The following PPP1R14B variants were observed in gnomAD, a reference collection of about 807,000 sequenced individuals.
PPP1R14B encodes protein phosphatase 1 regulatory subunit 14B.
Under a neutral mutation model 14.7 loss-of-function variants are expected in PPP1R14B, and 4 were observed. That is an observed-to-expected ratio of 0.27 (90% CI 0.13 to 0.62). The LOEUF is 0.62. Ranked by LOEUF, PPP1R14B falls within the 20% of genes least tolerant of loss-of-function variation. PPP1R14B has a pLI of 0.85. For synonymous variants in PPP1R14B, 76 were observed against 87.3 expected, an observed-to-expected ratio of 0.87 and a Z score of 0.72; for missense variants, 138 against 201.5, an observed-to-expected ratio of 0.68 and a Z score of 1.91.
rs765161994 is a variant in PPP1R14B at position 64,246,578 on chromosome 11, G to A, written c.96C>T (p.Ser32=). 1.7e-5 allele frequency: 27 copies of A among 1,601,444 alleles called. No homozygotes were observed. Among genetic ancestry groups the A allele is most frequent in the Non-Finnish European group, 2.1e-5 (25 of 1,175,652 alleles). The part of the protein sequence containing the change: ...GGPGPRVYFQ[S]PPGAAGEGPG... ...GGCCCTCTCCTGCGGCCCCGGGGGG[G>A]CTCTGAAAGTAGACGCGTGGTCCTG... Residue 32 remains serine (S), a synonymous_variant, in exon 1 of 4, where the codon AGC becomes AGT. Transcript: ENST00000309318.
chr11:64,246,518 G>A lies in PPP1R14B; in HGVS notation c.156C>T (p.Arg52=). 2 of 1,609,952 alleles carry A rather than the reference G, an allele frequency of 1.2e-6. No individual in the cohort carries two copies. Among genetic ancestry groups the A allele is most frequent in the Non-Finnish European group, 1.7e-6 (2 of 1,179,260 alleles). ...CATACTTGACGGTGACCTTCCCTTG[G>A]CGCCTCACTGGGCCCTCATCGTCCG... ...GGADDEGPVR[R]QGKVTVKYDR... is the part of the protein sequence containing the mutation. Residue 52 remains arginine (R), a synonymous_variant, in exon 1 of 4, where the codon CGC becomes CGT. Transcript: ENST00000309318.
intron 2 of PPP1R14B, 98 bp from the exon 3 acceptor site, chr11:64,245,060 G>A: frequency 6.8e-7 from 1 of 1,463,546 alleles, no homozygotes; most frequent in Non-Finnish European, 9.3e-7. Context: ...CCACCCTGAG[G>A]CACAGGAGAT....
intron 1 of PPP1R14B, chr11:64,245,590 T>G: frequency 2.7e-6 from 1 of 375,456 alleles, no homozygotes; most frequent in South Asian, 4.7e-5. Context: ...CTCCCCAACA[T>G]CCGGGCCCCC....
chr11:64,245,020 T>C, intron 2 of PPP1R14B, 58 bp from the exon 3 acceptor site: 1 of 1,539,050 alleles, frequency 6.5e-7, no homozygotes, highest in East Asian at 2.3e-5. Context: ...GGCCTGGAGC[T>C]CGCCTATACC....
At chr11:64,244,850 A>T in intron 3 of PPP1R14B, 28 bp from the exon 4 acceptor site, 1 of 1,613,898 alleles carries the variant, frequency 6.2e-7, no homozygotes, top group Non-Finnish European at 8.5e-7. Context: ...GTAAACATTA[A>T]GGAGACCAGA....
Position 64,244,536 on chromosome 11 carries a change from TA to T in PPP1R14B, c.*217del, listed in dbSNP as rs1302166251. 7.7e-7 allele frequency: 1 copy of T among 1,298,234 alleles called. No individual in the cohort carries two copies. Among genetic ancestry groups the T allele is most frequent in the Non-Finnish European group, 1.0e-6 (1 of 967,760 alleles). 80.4% of individuals were successfully genotyped at this position (1,298,234 alleles called of 1,614,324 possible). A position where few individuals can be genotyped will look rare whatever the true frequency, so the allele number is the denominator to read the frequency against. On this transcript the variant is annotated 3_prime_UTR_variant, in exon 4 of 4. Coordinates refer to ENST00000309318, the MANE Select transcript of PPP1R14B (RefSeq NM_138689.3). ...TAAAGGGCCCGCGCCGCAGAGTCAA[TA>T]TAAAAACACAAAAAGTCCCATCAGT...
intron 2 of PPP1R14B, 52 bp from the exon 3 acceptor site, chr11:64,245,014 T>C (rs1192759745): frequency 2.6e-6 from 4 of 1,556,796 alleles, no homozygotes; most frequent in Non-Finnish European, 3.5e-6. Flanking sequence ...AGTGGGGGCC[T>C]GGAGCTCGCC....
chr11:64,245,380 G>A (rs1050658122), intron 1 of PPP1R14B, 93 bp from the exon 2 acceptor site: 8 of 1,036,564 alleles, frequency 7.7e-6, no homozygotes, highest in Non-Finnish European at 1.2e-5. Flanking sequence ...TGCCTACCTC[G>A]GAGGAACCCA....
chr11:64,245,434 A>G, intron 1 of PPP1R14B, 147 bp from the exon 2 acceptor site: 1 of 663,288 alleles, frequency 1.5e-6, no homozygotes, highest in Middle Eastern at 2.7e-4. Context: ...CTGGGGAGGA[A>G]AACAGATCAG....
chr11:64,245,457 G>T, intron 1 of PPP1R14B, 170 bp from the exon 2 acceptor site: 2 of 471,608 alleles, frequency 4.2e-6, no homozygotes, highest in Non-Finnish European at 3.6e-6. Flanking sequence ...CCGTGCCAAG[G>T]CAAACTGCCC....
In PPP1R14B at chr11:64,244,975, G is replaced by C. The variant is rs201234768; in HGVS notation, c.343-13C>G. The C allele has an allele frequency of 4.0e-5, 64 of 1,608,618 alleles. No individual in the cohort carries two copies. The Admixed American group carries it at 8.6e-4, about 22-fold the overall frequency. On this transcript the variant is annotated splice_polypyrimidine_tract_variant and intron_variant, in intron 2 of 3. Coordinates refer to ENST00000309318, the MANE Select transcript of PPP1R14B (RefSeq NM_138689.3). ...CAACCAGCAGCTCCTAGCAGAGGAT[G>C]GGGGAGGAAGGATAAGTGAGTCCTC...
chr11:64,245,007 G>C, intron 2 of PPP1R14B, 45 bp from the exon 3 acceptor site: 2 of 1,576,150 alleles, frequency 1.3e-6, no homozygotes, highest in Non-Finnish European at 1.7e-6. Context: ...CCTCAGGAGT[G>C]GGGGCCTGGA....
At chr11:64,245,170 C>G (rs781305267) in intron 2 of PPP1R14B, 34 bp downstream of exon 2, 1 of 1,603,910 alleles carries the variant, frequency 6.2e-7, no homozygotes, top group African/African-American at 1.3e-5. Context: ...CGGGGCAGTG[C>G]CTCAGGCAAC....
chr11:64,244,792 G>A lies in PPP1R14B; in HGVS notation c.406C>T (p.Arg136Trp), dbSNP rs2030802595. 1.2e-6 allele frequency: 2 copies of A among 1,614,078 alleles called. No homozygotes were observed. The highest frequency in any genetic ancestry group is 1.7e-4 in the Middle Eastern group (1 of 6,034). Residue 136 changes from arginine (R) to tryptophan (W), a missense_variant, in exon 4 of 4, where the codon CGG becomes TGG. This residue lies in a region of PPP1R14B where 84 missense variants were observed against 137.5 expected (regional missense o/e 0.61). Coordinates refer to ENST00000309318, the MANE Select transcript of PPP1R14B (RefSeq NM_138689.3). ...AFISGLLDKI[R>W]GMQKLSTPQK... ...GGTGTGCTCAGCTTCTGCATGCCCC[G>A]GATCTTGTCCAGCAGGCCAGAAATG...
intron 1 of PPP1R14B, chr11:64,245,579 T>G: frequency 2.5e-6 from 1 of 399,420 alleles, no homozygotes; most frequent in Admixed American, 4.3e-5. Context: ...AGCAGATGTG[T>G]CTCCCCAACA....
At chr11:64,245,161 G>A (rs371092946) in intron 2 of PPP1R14B, 43 bp downstream of exon 2, 83 of 1,594,270 alleles carry the variant, frequency 5.2e-5, no homozygotes, top group African/African-American at 2.0e-4. Context: ...TCACTTTCCC[G>A]GGGCAGTGCC....
At position 64,246,839 on chromosome 11, in the gene PPP1R14B, G is replaced by GGGCTT. The variant is rs2030899614; in HGVS notation, c.-171_-167dup. 2.3e-6 allele frequency: 1 copy of GGGCTT among 427,714 alleles called. No homozygotes were observed. The allele number at this position is 427,714 out of a possible 1,614,324, so 26.5% of individuals were successfully genotyped here. A position where few individuals can be genotyped will look rare whatever the true frequency, so the allele number is the denominator to read the frequency against. ...GGCAGCTGCAGCATGCGGAGCCCCCGGGCTTGGCCTGGCCGCGCCCCGCCC... is the reference window on the plus strand; with the variant it reads ...GGCAGCTGCAGCATGCGGAGCCCCCGGGCTTGGCTTGGCCTGGCCGCGCCCCGCCC... On this transcript the variant is annotated 5_prime_UTR_variant, in exon 1 of 4. Transcript: ENST00000309318.
At position 64,244,597 on chromosome 11, in the gene PPP1R14B, T is replaced by G; in HGVS notation, c.*157A>C. 1 of 1,417,248 alleles carries G rather than the reference T, an allele frequency of 7.1e-7. No homozygotes were observed. Among genetic ancestry groups the G allele is most frequent in the Non-Finnish European group, 9.4e-7 (1 of 1,059,380 alleles). The allele number at this position is 1,417,248 out of a possible 1,614,324, so 87.8% of individuals were successfully genotyped here. On this transcript the variant is annotated 3_prime_UTR_variant, in exon 4 of 4. Transcript: ENST00000309318. Reference sequence around the variant, plus strand: ...ATAAAAAACCCCAAAAGTGGAAAACTGAGGGGGCAGGGGAAGAGACCCCTG... The same window carrying G: ...ATAAAAAACCCCAAAAGTGGAAAACGGAGGGGGCAGGGGAAGAGACCCCTG...
intron 1 of PPP1R14B, 32 bp downstream of exon 1, chr11:64,246,383 AT>A: frequency 1.3e-6 from 2 of 1,590,026 alleles, no homozygotes; most frequent in Non-Finnish European, 1.7e-6. Flanking sequence ...CGCGAGACCG[AT>A]TTTGGGGTGT....
Sources: allele counts gnomAD v4.1 joint callset, GRCh38; gene constraint gnomAD v4.1.1; regional missense constraint gnomAD v4.1.1; transcripts MANE v1.5; gene names NCBI Gene and HGNC (gene_info 2026-07-23, HGNC 2026-07-21).